Variants in UBR1 observed in about 807,000 individuals in gnomAD.
The protein encoded by UBR1 is ubiquitin protein ligase E3 component n-recognin 1.
In UBR1, 102 loss-of-function variants were observed where a neutral mutation model predicts 242.1. The observed-to-expected ratio is 0.42, with a 90% confidence interval of 0.36 to 0.50. UBR1 has a LOEUF of 0.50. UBR1 is among the 20% of genes least tolerant of loss of function. The probability of loss-of-function intolerance (pLI) is 0.01; values close to 1 mark genes in which losing one functional copy is unlikely to be tolerated. For missense variants in UBR1, 1,772 were observed against 2,101.8 expected, an observed-to-expected ratio of 0.84 and a Z score of 3.07; for synonymous variants, 675 against 684.8, an observed-to-expected ratio of 0.99 and a Z score of 0.22.
chr15:42,987,889 A>G (rs1463593628), intron 35 of UBR1, among the ~76,000 whole-genome samples: 1 of 152,182 alleles, frequency 6.6e-6, no homozygotes, highest in Non-Finnish European at 1.5e-5. Context: ...GGATAAAGAT[A>G]GGGAAGAATC....
chr15:43,076,761 C>G (rs1293435014), intron 3 of UBR1, among the ~76,000 whole-genome samples: 1 of 141,504 alleles, frequency 7.1e-6, no homozygotes, highest in Admixed American at 7.1e-5. Context: ...CCACCGCGTC[C>G]GGGAGGGAGG....
chr15:43,033,488 AC>A (rs1684744249), intron 19 of UBR1, among the ~76,000 whole-genome samples: 1 of 151,984 alleles, frequency 6.6e-6, no homozygotes, highest in Non-Finnish European at 1.5e-5. Context: ...TACTAAAAAT[AC>A]AAAAATTAGC....
chr15:42,967,733 A>G (rs1274836472), intron 40 of UBR1, among the ~76,000 whole-genome samples: 1 of 151,836 alleles, frequency 6.6e-6, no homozygotes, highest in Non-Finnish European at 1.5e-5. Flanking sequence ...GCGACTCTTT[A>G]TACTTTCTGC....
intron 15 of UBR1, 69 bp from the exon 16 acceptor site, chr15:43,038,301 G>C: frequency 6.7e-7 from 1 of 1,495,214 alleles, no homozygotes; most frequent in Non-Finnish European, 9.3e-7. Context: ...AACTCATCAA[G>C]TTTAGAAACT....
intron 29 of UBR1, 45 bp from the exon 30 acceptor site, chr15:43,007,329 C>G (rs1331686252): frequency 6.3e-7 from 1 of 1,576,442 alleles, no homozygotes; most frequent in South Asian, 1.1e-5. Flanking sequence ...GTTTTGGTCA[C>G]TTGTCTTCAT....
chr15:43,097,984 T>C (rs1449437749), intron 1 of UBR1, among the ~76,000 whole-genome samples: 1 of 152,244 alleles, frequency 6.6e-6, no homozygotes, highest in East Asian at 1.9e-4. Flanking sequence ...ACTCTTGGCC[T>C]ATGTCAGCTT....
At chr15:43,025,632 A>G in intron 23 of UBR1, 1 of 552,488 alleles carries the variant, frequency 1.8e-6, no homozygotes, top group Non-Finnish European at 3.2e-6. Context: ...CCCTGATCAA[A>G]AACTTAGTCT....
chr15:43,024,581 T>C (rs1421156259), intron 25 of UBR1, among the ~76,000 whole-genome samples: 3 of 152,222 alleles, frequency 2.0e-5, no homozygotes, highest in Non-Finnish European at 2.9e-5. Context: ...AACATGTCAA[T>C]TTATTAGCAT....
At chr15:42,998,865 C>T (rs903390868) in intron 32 of UBR1, among the ~76,000 whole-genome samples, 2 of 151,310 alleles carry the variant, frequency 1.3e-5, no homozygotes, top group Non-Finnish European at 2.9e-5. Context: ...CTGGTCTTTG[C>T]TTGCTCCATT....
intron 27 of UBR1, among the ~76,000 whole-genome samples, chr15:43,018,506 G>T (rs1251815194): frequency 6.6e-6 from 1 of 152,196 alleles, no homozygotes; most frequent in East Asian, 1.9e-4. Flanking sequence ...TCTCACCTCA[G>T]CCTCTCAAGT....
intron 1 of UBR1, among the ~76,000 whole-genome samples, chr15:43,099,785 AAAC>A (rs2034205945): frequency 6.6e-6 from 1 of 152,214 alleles, no homozygotes; most frequent in African/African-American, 2.4e-5. Flanking sequence ...GACACATAGT[AAAC>A]AGGTAACGTA....
intron 42 of UBR1, among the ~76,000 whole-genome samples, chr15:42,962,593 G>A (rs1389264433): frequency 3.3e-5 from 5 of 151,984 alleles, no homozygotes; most frequent in African/African-American, 4.8e-5. Flanking sequence ...GGGTTCCAGC[G>A]AGTCTCCTGC....
At chr15:43,008,954 T>C (rs2032875187) in intron 29 of UBR1, among the ~76,000 whole-genome samples, 1 of 152,202 alleles carries the variant, frequency 6.6e-6, no homozygotes, top group African/African-American at 2.4e-5. Context: ...AGAGAGCTGT[T>C]CTGTTGCTTA....
intron 6 of UBR1, among the ~76,000 whole-genome samples, chr15:43,060,685 CT>C (rs967860272): frequency 6.6e-6 from 1 of 152,054 alleles, no homozygotes; most frequent in African/African-American, 2.4e-5. Flanking sequence ...CTCATTTAAC[CT>C]TTACAATGAC....
At position 43,027,799 on chromosome 15, in the gene UBR1, G is replaced by A. The variant is rs1233193685; in HGVS notation, c.2409C>T (p.Val803=). 1.2e-6 allele frequency: 2 copies of A among 1,612,580 alleles called. No homozygotes were observed. The highest frequency in any genetic ancestry group is 3.3e-5 in the Admixed American group (2 of 59,992). The change falls in exon 22 of 47, where the codon GTC becomes GTT. Residue 803 remains valine (V), a synonymous_variant. Transcript: ENST00000290650. Reference sequence around the variant, plus strand: ...ACTTAAATGTGGCCACTTTGTTTATGACATTCTCTAAGCCAGTTTCATTAT... The same window carrying A: ...ACTTAAATGTGGCCACTTTGTTTATAACATTCTCTAAGCCAGTTTCATTAT... The part of the protein sequence containing the change: ...NENNETGLEN[V]INKVATFKKP...
intron 4 of UBR1, among the ~76,000 whole-genome samples, chr15:43,073,921 C>T (rs2033855294): frequency 1.3e-5 from 2 of 152,182 alleles, no homozygotes; most frequent in Admixed American, 1.3e-4. Context: ...CAGGTGTTTG[C>T]TGCTTTAGGG....
intron 29 of UBR1, chr15:43,011,934 T>A: frequency 4.4e-6 from 2 of 453,264 alleles, no homozygotes; most frequent in South Asian, 3.1e-5. Context: ...TGATGTAGAA[T>A]CTACATTATA....
intron 33 of UBR1, among the ~76,000 whole-genome samples, chr15:42,994,985 T>C (rs2032614209): frequency 6.6e-6 from 1 of 152,258 alleles, no homozygotes; most frequent in Non-Finnish European, 1.5e-5. Context: ...TCTATTTCAA[T>C]AGTTTTTCCT....
At chr15:42,989,973 T>G in intron 34 of UBR1, 57 bp downstream of exon 34, 1 of 1,268,854 alleles carries the variant, frequency 7.9e-7, no homozygotes, top group South Asian at 1.3e-5. Flanking sequence ...CTACACTGTT[T>G]CCTACTCTTA....
Sources: gnomAD v4.1 joint callset for allele counts (sites outside exome capture counted in the v4.1 genomes callset) on GRCh38, gnomAD v4.1.1 for gene constraint, MANE v1.5 for transcripts, NCBI Gene and HGNC (gene_info 2026-07-23, HGNC 2026-07-21) for gene names.